Variants in PTPRS observed in about 807,000 individuals in gnomAD.
PTPRS encodes protein tyrosine phosphatase receptor type S.
A neutral mutation model predicts 215.3 loss-of-function variants in PTPRS; 63 were observed. The observed-to-expected ratio is 0.29, with a 90% CI of 0.24 to 0.36. PTPRS has a LOEUF of 0.36. Ranked by LOEUF, PTPRS falls within the 10% of genes least tolerant of loss-of-function variation. The pLI is 1.00. For missense variants in PTPRS, 2,258 were observed against 2,825.8 expected (o/e 0.80, Z 4.56); for synonymous variants, 1,404 against 1,191.4 (o/e 1.18, Z -3.68).
Position 5,222,228 on chromosome 19 carries a change from G to C in PTPRS, c.3104-8C>G, listed in dbSNP as rs750954685. On this transcript the variant is annotated splice_polypyrimidine_tract_variant and splice_region_variant and intron_variant, in intron 18 of 37. Coordinates refer to ENST00000262963, the MANE Select transcript of PTPRS (RefSeq NM_002850.4). Reference sequence around the variant, plus strand: ...TGAAGTTCTTGGGCGAGACTGCCGGGGAGGCGGCCGAGCAGGGAGAGAGCA... The same window carrying C: ...TGAAGTTCTTGGGCGAGACTGCCGGCGAGGCGGCCGAGCAGGGAGAGAGCA... 21 of 1,610,334 alleles carry C rather than the reference G, an allele frequency of 1.3e-5. No individual in the cohort carries two copies. The highest frequency in any genetic ancestry group is 3.3e-4 in the Middle Eastern group (2 of 6,078).
At position 5,244,762 on chromosome 19, in the gene PTPRS, C is replaced by T. The variant is rs1037514581; in HGVS notation, c.989-280G>A. On this transcript the variant is annotated intron_variant, in intron 10 of 37. Coordinates refer to ENST00000262963, the MANE Select transcript of PTPRS (RefSeq NM_002850.4). This position sits in a 1 kb window ranked among gnomAD's most constrained non-coding sequence, Gnocchi z 7.2. ...TCGGCTCACTGCAAGCTCCGTCTCC[C>T]GGGTTCACACAATTCTCCTGCCTCA... Among the ~76,000 whole-genome samples, 4 of 152,134 alleles carry T rather than the reference C, an allele frequency of 2.6e-5. No individual in the cohort carries two copies. The highest frequency in any genetic ancestry group is 2.1e-4 in the South Asian group (1 of 4,822).
chr19:5,266,512 C>T (rs1429750781), intron 4 of PTPRS, among the ~76,000 whole-genome samples: 1 of 151,858 alleles, frequency 6.6e-6, no homozygotes, highest in East Asian at 1.9e-4. Flanking sequence ...AAGGCAGTGG[C>T]ATGCACTCCA....
intron 17 of PTPRS, among the ~76,000 whole-genome samples, chr19:5,224,174 G>C (rs531330690): frequency 9.5e-5 from 4 of 41,954 alleles, no homozygotes; most frequent in African/African-American, 8.2e-4. Context: ...GCAAGACTCC[G>C]TCTTAAAAAT....
At chr19:5,277,338 C>T (rs1015554051) in intron 2 of PTPRS, among the ~76,000 whole-genome samples, 14 of 152,060 alleles carry the variant, frequency 9.2e-5, no homozygotes, top group African/African-American at 3.4e-4. Flanking sequence ...GCTATCTATG[C>T]AGCAGAATAC....
intron 9 of PTPRS, among the ~76,000 whole-genome samples, chr19:5,246,903 GAA>G (rs916070746): frequency 7.2e-5 from 11 of 151,854 alleles, no homozygotes; most frequent in Admixed American, 4.6e-4. Context: ...GAGAGAGAGA[GAA>G]AGAGAGAGCG....
intron 9 of PTPRS, among the ~76,000 whole-genome samples, chr19:5,254,581 G>C (rs963498854): frequency 2.6e-5 from 4 of 152,032 alleles, no homozygotes; most frequent in African/African-American, 9.7e-5. Context: ...CAGAGGGAGA[G>C]TTGGGGAGGC....
In PTPRS at chr19:5,206,609, G is replaced by A. The variant is rs1006696743; in HGVS notation, c.*165C>T. 1.7e-6 allele frequency: 1 copy of A among 581,570 alleles called. No homozygotes were observed. Among genetic ancestry groups the A allele is most frequent in the South Asian group, 2.1e-5 (1 of 47,658 alleles). The allele number at this position is 581,570 out of a possible 1,614,324, so 36.0% of individuals were successfully genotyped here. A position where few individuals can be genotyped will look rare whatever the true frequency, so the allele number is the denominator to read the frequency against. On this transcript the variant is annotated 3_prime_UTR_variant, in exon 38 of 38. Transcript: ENST00000262963. The stretch of plus-strand genomic sequence containing the variant: ...TCGCTGGGGCGGCCGGGGCCGGTGG[G>A]GGGGCTCGAGGGGCTGCGTCGTCCT...
chr19:5,228,169 CTGTT>C (rs200027651), intron 16 of PTPRS, among the ~76,000 whole-genome samples: 1,611 of 151,688 alleles, frequency 0.011, 30 homozygotes, highest in African/African-American at 0.036. Flanking sequence ...GGACCAGTGC[CTGTT>C]TGTTTGTTTA....
intron 2 of PTPRS, among the ~76,000 whole-genome samples, chr19:5,276,535 T>G (rs201123276): frequency 2.6e-3 from 3 of 1,172 alleles, no homozygotes; most frequent in African/African-American, 0.045. Flanking sequence ...GAGTACGTGT[T>G]TTTTTTTTGT....
chr19:5,328,274 G>A (rs778461297), intron 1 of PTPRS, among the ~76,000 whole-genome samples: 8 of 151,910 alleles, frequency 5.3e-5, no homozygotes, highest in Non-Finnish European at 1.2e-4. Context: ...ACACCACCAC[G>A]GCCAGCTGTA....
chr19:5,308,692 TG>T (rs2049584346), intron 1 of PTPRS, among the ~76,000 whole-genome samples: 1 of 151,950 alleles, frequency 6.6e-6, no homozygotes, highest in African/African-American at 2.4e-5. Context: ...CTGGCAGCCT[TG>T]GGGGTAGGGG....
chr19:5,250,938 C>G (rs1316133547), intron 9 of PTPRS: 1 of 2,106 alleles, frequency 4.7e-4, no homozygotes, highest in African/African-American at 2.9e-3. Flanking sequence ...CCAAGGGGTG[C>G]GGGGGCGGCG....
chr19:5,222,549 C>T (rs940956087), intron 18 of PTPRS, 140 bp downstream of exon 18: 188 of 988,972 alleles, frequency 1.9e-4, no homozygotes, highest in Non-Finnish European at 2.6e-4. Flanking sequence ...GCCGGAGCCT[C>T]GGGGTCCGGA....
chr19:5,305,970 A>AAAG (rs2049479386), intron 1 of PTPRS, among the ~76,000 whole-genome samples: 2 of 140,326 alleles, frequency 1.4e-5, no homozygotes, highest in Non-Finnish European at 3.1e-5. Context: ...AAAAAAAAAA[A>AAAG]GGGCGAATTC....
intron 16 of PTPRS, among the ~76,000 whole-genome samples, chr19:5,227,358 G>A (rs1476090849): frequency 6.6e-6 from 1 of 150,904 alleles, no homozygotes; most frequent in African/African-American, 2.4e-5. Context: ...GCTGAGAGCT[G>A]ATTTTTAAAT....
chr19:5,210,797 T>G lies in PTPRS; in HGVS notation c.5243A>C (p.Lys1748Thr). 6.2e-7 allele frequency: 1 copy of G among 1,613,778 alleles called. No individual in the cohort carries two copies. The highest frequency in any genetic ancestry group is 1.3e-5 in the African/African-American group (1 of 75,058). ...CGGCCCCTGTGTCGCGATGTAGGCCTTCTGCTGCCTGCAGGCGTTGGGGGT... is the reference window on the plus strand; with the variant it reads ...CGGCCCCTGTGTCGCGATGTAGGCCGTCTGCTGCCTGCAGGCGTTGGGGGT... ...ASFIDGYRQQ[K>T]AYIATQGPLA... The change falls in exon 34 of 38, where the codon AAG becomes ACG. Residue 1748 changes from lysine (K) to threonine (T), a missense_variant. This residue lies in a region of PTPRS where 927 missense variants were observed against 1,125.9 expected (regional missense o/e 0.82). Coordinates refer to ENST00000262963, the MANE Select transcript of PTPRS (RefSeq NM_002850.4). This position sits in a 1 kb window ranked among gnomAD's most constrained non-coding sequence, Gnocchi z 4.5.
intron 2 of PTPRS, among the ~76,000 whole-genome samples, chr19:5,283,397 T>C (rs2048041277): frequency 6.6e-6 from 1 of 152,044 alleles, no homozygotes; most frequent in African/African-American, 2.4e-5. Flanking sequence ...GCCAATGTGG[T>C]GAAACCCCAT....
rs777852975 is a variant in PTPRS, at chr19:5,257,109, T to A, written c.706+908A>T. On this transcript the variant is annotated intron_variant, in intron 8 of 37. Coordinates refer to ENST00000262963, the MANE Select transcript of PTPRS (RefSeq NM_002850.4). This position sits in a 1 kb window ranked among gnomAD's most constrained non-coding sequence, Gnocchi z 4.4. Reference sequence around the variant, plus strand: ...TGAAAGGGAGGAGGAGGAGGAAGACTACAACTTCTGAAAAGACCCAAGAGC... The same window carrying A: ...TGAAAGGGAGGAGGAGGAGGAAGACAACAACTTCTGAAAAGACCCAAGAGC... Among the ~76,000 whole-genome samples the A allele has an allele frequency of 6.7e-6, 1 of 149,226 alleles. No homozygotes were observed. The highest frequency in any genetic ancestry group is 1.5e-5 in the Non-Finnish European group (1 of 67,340).
chr19:5,224,016 T>A (rs1346843494), intron 17 of PTPRS, among the ~76,000 whole-genome samples: 2 of 151,354 alleles, frequency 1.3e-5, no homozygotes, highest in Non-Finnish European at 2.9e-5. Flanking sequence ...CTGTCTCTAC[T>A]AAAAATACAA....
Sources: allele counts gnomAD v4.1 joint callset (sites outside exome capture counted in the v4.1 genomes callset), GRCh38; gene constraint gnomAD v4.1.1; regional missense constraint gnomAD v4.1.1; non-coding constraint Gnocchi (gnomAD v3.1); transcripts MANE v1.5; gene names NCBI Gene and HGNC (gene_info 2026-07-23, HGNC 2026-07-21).